JAK3: variants seen among roughly 807,000 people sequenced by gnomAD.
The protein encoded by JAK3 is tyrosine-protein kinase JAK3.
Under a neutral mutation model 120.8 loss-of-function variants are expected in JAK3, and 88 were observed. That is an observed-to-expected ratio of 0.73 (90% CI 0.61 to 0.87). The LOEUF (loss-of-function observed/expected upper bound fraction) is 0.87. Ranked by LOEUF, JAK3 falls within the 40% of genes least tolerant of loss-of-function variation. The pLI is 0.00. For synonymous variants in JAK3, 592 were observed against 628.6 expected, an observed-to-expected ratio of 0.94 and a Z score of 0.87; for missense variants, 1,254 against 1,501.4, an observed-to-expected ratio of 0.84 and a Z score of 2.72.
At chr19:17,834,393 C>T (rs2094219963) in intron 17 of JAK3, among the ~76,000 whole-genome samples, 178 bp downstream of exon 17, 1 of 152,050 alleles carries the variant, frequency 6.6e-6, no homozygotes, top group Non-Finnish European at 1.5e-5. Flanking sequence ...CATGTTGAAC[C>T]TTGAACTGAG....
rs757024984 is a variant in JAK3, at chr19:17,838,320, G to C, written c.1512C>G (p.Ser504=). ...ATGTCATCTGACTCAGCTGGTATTG[G>C]GATTGGGGCTGAACCAAGGATGATG... is the stretch of plus-strand genomic sequence containing the variant. ...PPTSSLVQPQ[S]QYQLSQMTFH... is the part of the protein sequence containing the mutation. Residue 504 remains serine (S), a synonymous_variant, in exon 11 of 24, where the codon TCC becomes TCG. Coordinates refer to ENST00000458235, the MANE Select transcript of JAK3 (RefSeq NM_000215.4). The C allele has an allele frequency of 3.7e-6, 6 of 1,614,124 alleles. No homozygotes were observed. The Admixed American group carries it at 1.0e-4, about 27-fold the overall frequency.
At position 17,843,912 on chromosome 19, in the gene JAK3, G is replaced by A; in HGVS notation, c.185-12C>T. On this transcript the variant is annotated splice_polypyrimidine_tract_variant and intron_variant, in intron 2 of 23. Coordinates refer to ENST00000458235, the MANE Select transcript of JAK3 (RefSeq NM_000215.4). The surrounding 1 kb of genome is among the most constrained non-coding windows in gnomAD (Gnocchi z 5.4). ...CACAGGCAGGATGCCTACAGGGGATGGTCCCATCAGCTCCCTCCTGAGTCA... is the reference window on the plus strand; with the variant it reads ...CACAGGCAGGATGCCTACAGGGGATAGTCCCATCAGCTCCCTCCTGAGTCA... The A allele has an allele frequency of 6.2e-7, 1 of 1,613,440 alleles. No individual in the cohort carries two copies. Among genetic ancestry groups the A allele is most frequent in the East Asian group, 2.2e-5 (1 of 44,860 alleles).
intron 13 of JAK3, chr19:17,836,631 TC>T (rs1403309666): frequency 2.0e-5 from 8 of 393,052 alleles, no homozygotes; most frequent in Non-Finnish European, 3.8e-5. Context: ...ACACCCCTCT[TC>T]CTTTCCTAAT....
At chr19:17,845,963 G>T (rs2147703236) in intron 1 of JAK3, among the ~76,000 whole-genome samples, 1 of 152,146 alleles carries the variant, frequency 6.6e-6, no homozygotes, top group Middle Eastern at 3.4e-3. Flanking sequence ...GATTACAGGG[G>T]CACGCCACCA....
Position 17,839,577 on chromosome 19 carries a change from G to C in JAK3, c.1341C>G (p.His447Gln). The change falls in exon 10 of 24, where the codon CAC (histidine) becomes CAG (glutamine). Residue 447 changes from histidine to glutamine, a missense_variant. By Grantham distance (24) the His-to-Gln change is conservative (BLOSUM62 0). Transcript: ENST00000458235. ...TFLLVGLSRPHSSLRELLATC... is the reference protein window; with the variant it reads ...TFLLVGLSRPQSSLRELLATC... The stretch of plus-strand genomic sequence containing the variant: ...TTGCCAGGAGCTCTCGAAGACTGCT[G>C]TGGGGTCGGCTGAGGCCAACCAGAA... 6.2e-7 allele frequency: 1 copy of C among 1,611,292 alleles called. No individual in the cohort carries two copies. The highest frequency in any genetic ancestry group is 8.5e-7 in the Non-Finnish European group (1 of 1,179,044).
At chr19:17,829,978 G>T in intron 23 of JAK3, 130 bp downstream of exon 23, 1 of 730,754 alleles carries the variant, frequency 1.4e-6, no homozygotes, top group South Asian at 1.5e-5. Context: ...CCAAGTGGGG[G>T]CCAGGATCCT....
intron 1 of JAK3, among the ~76,000 whole-genome samples, chr19:17,846,626 C>G (rs2094252756): frequency 6.6e-6 from 1 of 152,258 alleles, no homozygotes; most frequent in Non-Finnish European, 1.5e-5. Context: ...GCACTGTCAC[C>G]CAGGCTGGAG....
intron 10 of JAK3, 121 bp from the exon 11 acceptor site, chr19:17,838,511 A>G: frequency 2.8e-6 from 3 of 1,055,514 alleles, no homozygotes. Context: ...TGAAGACTTC[A>G]GGGCACATGG....
chr19:17,826,749 A>C lies in JAK3; in HGVS notation c.3369T>G (p.Phe1123Leu), dbSNP rs775733454. The C allele has an allele frequency of 6.2e-7, 1 of 1,614,050 alleles. No homozygotes were observed. Among genetic ancestry groups the C allele is most frequent in the East Asian group, 2.2e-5 (1 of 44,878 alleles). ...AGAGGTCTGCGGGCAGGAGCTATGA[A>C]AAGGACAGGGAGTGGTGTTTGCCCT... is the stretch of plus-strand genomic sequence containing the variant. ...HPEGKHHSLS[F>L]S is the part of the protein sequence containing the mutation. The change falls in exon 24 of 24, where the codon TTT (phenylalanine) becomes TTG (leucine). Residue 1123 changes from phenylalanine (F) to leucine (L), a missense_variant. By Grantham distance (22) the Phe-to-Leu change is conservative. Coordinates refer to ENST00000458235, the MANE Select transcript of JAK3 (RefSeq NM_000215.4).
chr19:17,844,014 C>T, intron 2 of JAK3, 114 bp from the exon 3 acceptor site: 1 of 1,391,182 alleles, frequency 7.2e-7, no homozygotes, highest in African/African-American at 1.4e-5. Context: ...GTATGACCAG[C>T]TGTTCCCTTC....
intron 12 of JAK3, among the ~76,000 whole-genome samples, chr19:17,837,656 CT>C: frequency 6.6e-6 from 1 of 152,032 alleles, no homozygotes; most frequent in East Asian, 1.9e-4. Flanking sequence ...CTCAGATGAT[CT>C]GCCCGCCTCA....
chr19:17,840,368 G>A (rs774926076), intron 8 of JAK3, 27 bp from the exon 9 acceptor site: 6 of 1,478,194 alleles, frequency 4.1e-6, no homozygotes, highest in Non-Finnish European at 5.7e-6. Context: ...GAGGGAATGG[G>A]GAGGAGTCAG....
rs1261444511 is a variant in JAK3, at chr19:17,830,181, G to A, written c.3134C>T (p.Pro1045Leu). The A allele has an allele frequency of 6.3e-7, 1 of 1,592,520 alleles. No homozygotes were observed. Among genetic ancestry groups the A allele is most frequent in the Non-Finnish European group, 8.5e-7 (1 of 1,170,858 alleles). The change falls in exon 23 of 24, where the codon CCC becomes CTC. Residue 1045 changes from proline (P) to leucine (L), a missense_variant. Physicochemically the swap from Pro to Leu is moderately conservative, Grantham distance 98. Transcript: ENST00000458235. Reference protein sequence around the residue: ...LRMMGCERDVPALCRLLELLE... With the variant: ...LRMMGCERDVLALCRLLELLE... ...CAGTTCCAAGAGGCGGCAGAGGGCG[G>A]GGACATCCCGCTCACATCCCATCAT...
rs2147670009 is a variant in JAK3, at chr19:17,826,883, C to T, written c.3235G>A (p.Ala1079Thr). The T allele has an allele frequency of 1.2e-6, 2 of 1,612,458 alleles. No homozygotes were observed. Among genetic ancestry groups the T allele is most frequent in the Non-Finnish European group, 1.7e-6 (2 of 1,179,984 alleles). ...EVHELMKLCW[A>T]PSPQDRPSFS... Reference sequence around the variant, plus strand: ...GATGGCCGGTCCTGTGGGCTAGGGGCCCAGCACAGCTTCATGAGCTCGTGA... The same window carrying T: ...GATGGCCGGTCCTGTGGGCTAGGGGTCCAGCACAGCTTCATGAGCTCGTGA... Residue 1079 changes from alanine (A) to threonine (T), a missense_variant, in exon 24 of 24, where the codon GCC becomes ACC. Transcript: ENST00000458235.
intron 9 of JAK3, 25 bp from the exon 10 acceptor site, chr19:17,839,688 T>A (rs1473134556): frequency 1.3e-6 from 2 of 1,585,096 alleles, no homozygotes; most frequent in Non-Finnish European, 1.7e-6. Context: ...GGCCCCTGAG[T>A]GGGACTGAGC....
At position 17,831,949 on chromosome 19, in the gene JAK3, CTT is replaced by C. The variant is rs1308707489; in HGVS notation, c.2681-153_2681-152del. ...CAACAATGACACATTGCTAATATCT[CTT>C]GAGTACTTTCTACAACATACATTGA... On this transcript the variant is annotated intron_variant, in intron 19 of 23. Transcript: ENST00000458235. The surrounding 1 kb of genome is among the most constrained non-coding windows in gnomAD (Gnocchi z 5.1). The C allele has an allele frequency of 5.4e-6, 5 of 930,550 alleles. No individual in the cohort carries two copies. The highest frequency in any genetic ancestry group is 5.1e-5 in the East Asian group (2 of 39,040). The allele number at this position is 930,550 out of a possible 1,614,324, so 57.6% of individuals were successfully genotyped here. A position where few individuals can be genotyped will look rare whatever the true frequency, so the allele number is the denominator to read the frequency against.
chr19:17,842,537 G>A lies in JAK3; in HGVS notation c.640C>T (p.Arg214Trp), dbSNP rs2094242412. 1 of 1,590,070 alleles carries A rather than the reference G, an allele frequency of 6.3e-7. No homozygotes were observed. The highest frequency in any genetic ancestry group is 8.6e-7 in the Non-Finnish European group (1 of 1,169,152). Reference protein sequence around the residue: ...GLSFVTRRRIRRTVRRALRRV... With the variant: ...GLSFVTRRRIWRTVRRALRRV... ...CGCAGGGCTCTGCGCACCGTCCTCC[G>A]AATACGCCTCCGCGTCACGAAGCTC... The change falls in exon 6 of 24, where the codon CGG becomes TGG. Residue 214 changes from arginine to tryptophan, a missense_variant. Coordinates refer to ENST00000458235, the MANE Select transcript of JAK3 (RefSeq NM_000215.4). This position sits in a 1 kb window ranked among gnomAD's most constrained non-coding sequence, Gnocchi z 6.4.
Position 17,837,179 on chromosome 19 carries a change from A to G in JAK3, c.1736T>C (p.Val579Ala). 1.3e-6 allele frequency: 2 copies of G among 1,573,800 alleles called. No individual in the cohort carries two copies. Among genetic ancestry groups the G allele is most frequent in the Non-Finnish European group, 1.7e-6 (2 of 1,159,364 alleles). The change falls in exon 13 of 24, where the codon GTG becomes GCG. Residue 579 changes from valine to alanine, a missense_variant. Physicochemically the swap from Val to Ala is moderately conservative, Grantham distance 64 (BLOSUM62 0). Around this residue, in one of 3 missense-constraint regions of JAK3, gnomAD observed 630 missense variants for 819.8 expected, o/e 0.77. Coordinates refer to ENST00000458235, the MANE Select transcript of JAK3 (RefSeq NM_000215.4). ...GAGCAGCACGAGATGCCGGTACGAC[A>G]CTTGGCTCATCAAGCTCGCTGCTTC... ...FLEAASLMSQ[V>A]SYRHLVLLHG...
Position 17,841,774 on chromosome 19 carries a change from G to A in JAK3, c.862-12C>T. The A allele has an allele frequency of 1.2e-6, 2 of 1,602,082 alleles. No homozygotes were observed. The highest frequency in any genetic ancestry group is 1.7e-5 in the Admixed American group (1 of 59,994). ...AAGGGCTGGAGGACCTGGGAAGGAG[G>A]GGGAGTACCGAAGTGGGGGCCCAGC... On this transcript the variant is annotated splice_polypyrimidine_tract_variant and intron_variant, in intron 6 of 23. Coordinates refer to ENST00000458235, the MANE Select transcript of JAK3 (RefSeq NM_000215.4). The surrounding 1 kb of genome is among the most constrained non-coding windows in gnomAD (Gnocchi z 4.1).
Sources: gnomAD v4.1 joint callset for allele counts (sites outside exome capture counted in the v4.1 genomes callset) on GRCh38, gnomAD v4.1.1 for gene constraint, gnomAD v4.1.1 regional missense constraint, Gnocchi (gnomAD v3.1) non-coding constraint, MANE v1.5 for transcripts, NCBI Gene and HGNC (gene_info 2026-07-23, HGNC 2026-07-21) for gene names.